CKAP4: variants seen among roughly 807,000 people sequenced by gnomAD.
CKAP4 encodes cytoskeleton-associated protein 4.
Under a neutral mutation model 24.4 loss-of-function variants are expected in CKAP4, and 20 were observed. The ratio of observed to expected loss-of-function variants is 0.82; its 90% CI spans 0.58 to 1.19. CKAP4 has a LOEUF of 1.19. CKAP4 is among the 50% of genes most tolerant of loss of function. CKAP4 has a pLI of 0.00. For missense variants in CKAP4, 744 were observed against 765.3 expected (o/e 0.97, Z 0.33); for synonymous variants, 378 against 351.7 (o/e 1.07, Z -0.84).
Position 106,239,028 on chromosome 12 carries a change from A to G in CKAP4, c.1805T>C (p.Val602Ala). 1 of 1,612,852 alleles carries G rather than the reference A, an allele frequency of 6.2e-7. No individual in the cohort carries two copies. Among genetic ancestry groups the G allele is most frequent in the South Asian group, 1.1e-5 (1 of 91,048 alleles). ...FVKVEKIHEK[V>A] The stretch of plus-strand genomic sequence containing the variant: ...CGCCCTGCACACGCAATTCATTTAG[A>G]CCTTTTCGTGAATCTTCTCCACTTT... The change falls in exon 2 of 2, where the codon GTC becomes GCC. Residue 602 changes from valine (V) to alanine (A), a missense_variant. Coordinates refer to ENST00000378026, the MANE Select transcript of CKAP4 (RefSeq NM_006825.4). The surrounding 1 kb of genome is among the most constrained non-coding windows in gnomAD (Gnocchi z 4.9).
In CKAP4 at chr12:106,238,373, G is replaced by C. The variant is rs11112910; in HGVS notation, c.*651C>G. 6.5e-6 allele frequency: 1 copy of C among 152,832 alleles called. No individual in the cohort carries two copies. The highest frequency in any genetic ancestry group is 1.5e-5 in the Non-Finnish European group (1 of 68,244). 9.5% of individuals were successfully genotyped at this position (152,832 alleles called of 1,614,324 possible). A position where few individuals can be genotyped will look rare whatever the true frequency, so the allele number is the denominator to read the frequency against. ...TGCTGGGTGTAGTGCTTCACATTCA[G>C]AACCGCCTGGATGCTTTGCATAGTT... On this transcript the variant is annotated 3_prime_UTR_variant, in exon 2 of 2. Coordinates refer to ENST00000378026, the MANE Select transcript of CKAP4 (RefSeq NM_006825.4).
Position 106,247,437 on chromosome 12 carries a change from G to C in CKAP4, c.415C>G (p.Arg139Gly), listed in dbSNP as rs929391301. ...HVLEEVQQVR[R>G]SHQDFSRQRE... ...TGCCGGGAGAAGTCCTGGTGGCTGC[G>C]CCGGACCTGCTGGACCTCCTCCAGG... Residue 139 changes from arginine (R) to glycine (G), a missense_variant, in exon 1 of 2, where the codon CGC becomes GGC. By Grantham distance (125) the Arg-to-Gly change is moderately radical (BLOSUM62 -2). Transcript: ENST00000378026. This position sits in a 1 kb window ranked among gnomAD's most constrained non-coding sequence, Gnocchi z 4.5. The C allele has an allele frequency of 1.3e-6, 2 of 1,543,846 alleles. No individual in the cohort carries two copies. The highest frequency in any genetic ancestry group is 1.7e-6 in the Non-Finnish European group (2 of 1,146,780).
intron 1 of CKAP4, among the ~76,000 whole-genome samples, chr12:106,241,331 CTTTTTTT>C (rs34135868): frequency 1.6e-5 from 2 of 127,520 alleles, no homozygotes; most frequent in South Asian, 2.5e-4. Flanking sequence ...GCCAGGGATT[CTTTTTTT>C]TTTTTTTTTT....
chr12:106,247,810 G>A lies in CKAP4; in HGVS notation c.42C>T (p.Gly14=). The stretch of plus-strand genomic sequence containing the variant: ...CACCCTTCTCCGAGGGGCTCGCGGC[G>A]CCGTGGCCGCCCTTGGAGCCCCTTT... The part of the protein sequence containing the change: ...AKQRGSKGGH[G]AASPSEKGAH... The change falls in exon 1 of 2, where the codon GGC becomes GGT. Residue 14 remains glycine (G), a synonymous_variant. Transcript: ENST00000378026. The surrounding 1 kb of genome is among the most constrained non-coding windows in gnomAD (Gnocchi z 4.5). 9.5e-7 allele frequency: 1 copy of A among 1,050,710 alleles called. No homozygotes were observed. The highest frequency in any genetic ancestry group is 1.1e-6 in the Non-Finnish European group (1 of 875,914). 65.1% of individuals were successfully genotyped at this position (1,050,710 alleles called of 1,614,324 possible).
At chr12:106,245,705 CT>C (rs1171009143) in intron 1 of CKAP4, 1 of 151,154 alleles carries the variant, frequency 6.6e-6, no homozygotes, top group East Asian at 2.0e-4. Context: ...AGCAATTCTC[CT>C]GCCTCAACCT....
chr12:106,244,056 C>A (rs557320118), intron 1 of CKAP4, among the ~76,000 whole-genome samples: 1 of 152,294 alleles, frequency 6.6e-6, no homozygotes, highest in Non-Finnish European at 1.5e-5. Flanking sequence ...TGTCAGAGAA[C>A]CAAACACAAC....
Position 106,239,036 on chromosome 12 carries a change from G to A in CKAP4, c.1797C>T (p.His599=), listed in dbSNP as rs1170234066. The A allele has an allele frequency of 4.3e-6, 7 of 1,612,864 alleles. No homozygotes were observed. Among genetic ancestry groups the A allele is most frequent in the African/African-American group, 1.3e-5 (1 of 74,864 alleles). Reference sequence around the variant, plus strand: ...ACACGCAATTCATTTAGACCTTTTCGTGAATCTTCTCCACTTTCACAAACA... The same window carrying A: ...ACACGCAATTCATTTAGACCTTTTCATGAATCTTCTCCACTTTCACAAACA... ...DRLFVKVEKI[H]EKV Residue 599 remains histidine (H), a synonymous_variant, in exon 2 of 2, where the codon CAC becomes CAT. Transcript: ENST00000378026. This position sits in a 1 kb window ranked among gnomAD's most constrained non-coding sequence, Gnocchi z 4.9.
intron 1 of CKAP4, among the ~76,000 whole-genome samples, chr12:106,246,073 G>A (rs2034007555): frequency 6.6e-6 from 1 of 152,188 alleles, no homozygotes; most frequent in Non-Finnish European, 1.5e-5. Flanking sequence ...CATAGTGGAG[G>A]GCGAATAAGA....
chr12:106,243,718 T>A (rs185476830), intron 1 of CKAP4, among the ~76,000 whole-genome samples: 3 of 152,296 alleles, frequency 2.0e-5, no homozygotes, highest in East Asian at 3.9e-4. Flanking sequence ...TTCAGAAGAT[T>A]TGAGCCATTC....
chr12:106,243,611 G>C (rs1486062726), intron 1 of CKAP4, among the ~76,000 whole-genome samples: 1 of 152,228 alleles, frequency 6.6e-6, no homozygotes, highest in African/African-American at 2.4e-5. Flanking sequence ...AGGGCCTAGA[G>C]ATGAACTGCC....
chr12:106,244,445 T>C (rs993600136), intron 1 of CKAP4, among the ~76,000 whole-genome samples: 1 of 152,218 alleles, frequency 6.6e-6, no homozygotes, highest in Non-Finnish European at 1.5e-5. Flanking sequence ...GCACCATAAA[T>C]ATGACACATT....
At position 106,247,406 on chromosome 12, in the gene CKAP4, T is replaced by A; in HGVS notation, c.446A>T (p.Glu149Val). The A allele has an allele frequency of 6.5e-7, 1 of 1,542,610 alleles. No individual in the cohort carries two copies. The highest frequency in any genetic ancestry group is 1.2e-5 in the South Asian group (1 of 84,128). ...RSHQDFSRQR[E>V]ELGQGLQGVE... is the part of the protein sequence containing the mutation. ...GCCCTGCAAGCCCTGGCCCAGCTCC[T>A]CCCTCTGCCGGGAGAAGTCCTGGTG... The change falls in exon 1 of 2, where the codon GAG becomes GTG. Residue 149 changes from glutamate (E) to valine (V), a missense_variant. Glu to Val is a moderately radical substitution (Grantham distance 121). Around this residue, in one of 3 missense-constraint regions of CKAP4, gnomAD observed 300 missense variants for 264.5 expected, o/e 1.13. Transcript: ENST00000378026. The surrounding 1 kb of genome is among the most constrained non-coding windows in gnomAD (Gnocchi z 4.5).
At position 106,247,728 on chromosome 12, in the gene CKAP4, GCTGCGGCGCCGGCGGCGGCTT is replaced by G; in HGVS notation, c.103_123del (p.Lys35_Gln41del). The G allele has an allele frequency of 9.6e-7, 1 of 1,042,988 alleles. No individual in the cohort carries two copies. Among genetic ancestry groups the G allele is most frequent in the East Asian group, 8.8e-5 (1 of 11,388 alleles). 64.6% of individuals were successfully genotyped at this position (1,042,988 alleles called of 1,614,324 possible). ...TGCGGCGCGGGCGGCGGCGGCGGCTGCTGCGGCGCCGGCGGCGGCTTCTTCGCCACGTCATCCGCGCCGCCC... is the reference window on the plus strand; with the variant it reads ...TGCGGCGCGGGCGGCGGCGGCGGCTGCTTCGCCACGTCATCCGCGCCGCCC... On this transcript the variant is annotated inframe_deletion, in exon 1 of 2. Coordinates refer to ENST00000378026, the MANE Select transcript of CKAP4 (RefSeq NM_006825.4). This position sits in a 1 kb window ranked among gnomAD's most constrained non-coding sequence, Gnocchi z 4.5.
rs2033921409 is a variant in CKAP4 at position 106,237,992 on chromosome 12, G to GGTT, written c.*1031_*1032insAAC. The GGTT allele has an allele frequency of 4.3e-5, 3 of 70,514 alleles. No homozygotes were observed. Among genetic ancestry groups the GGTT allele is most frequent in the Admixed American group, 2.3e-4 (1 of 4,350 alleles). 4.4% of individuals were successfully genotyped at this position (70,514 alleles called of 1,614,324 possible). On this transcript the variant is annotated 3_prime_UTR_variant, in exon 2 of 2. Transcript: ENST00000378026. ...TTTTTTTTTTTTTTTTACTTTTCGG[G>GGTT]TTTTTTTTTTTTTTTTTTTTTCAAT...
chr12:106,238,515 T>G lies in CKAP4; in HGVS notation c.*509A>C, dbSNP rs909894521. Reference sequence around the variant, plus strand: ...GACCCAGGGGCTTCTCCCCTCCTCATTCAGAGCTGACAGCTATGAGCTTTA... The same window carrying G: ...GACCCAGGGGCTTCTCCCCTCCTCAGTCAGAGCTGACAGCTATGAGCTTTA... On this transcript the variant is annotated 3_prime_UTR_variant, in exon 2 of 2. Coordinates refer to ENST00000378026, the MANE Select transcript of CKAP4 (RefSeq NM_006825.4). 2 of 154,112 alleles carry G rather than the reference T, an allele frequency of 1.3e-5. No individual in the cohort carries two copies. The highest frequency in any genetic ancestry group is 4.8e-5 in the African/African-American group (2 of 41,396). The allele number at this position is 154,112 out of a possible 1,614,324, so 9.5% of individuals were successfully genotyped here.
intron 1 of CKAP4, among the ~76,000 whole-genome samples, chr12:106,246,015 GC>G (rs149853104): frequency 0.011 from 1,606 of 152,334 alleles, 12 homozygotes; most frequent in Middle Eastern, 0.017. Flanking sequence ...ATCAGAAGTG[GC>G]GGGATTTTTT....
In CKAP4 at chr12:106,237,989, C is replaced by CG. The variant is rs1195762628; in HGVS notation, c.*1034dup. On this transcript the variant is annotated 3_prime_UTR_variant, in exon 2 of 2. Transcript: ENST00000378026. ...ACTTTTTTTTTTTTTTTTTACTTTT[C>CG]GGGTTTTTTTTTTTTTTTTTTTTTC... 44 of 32,946 alleles carry CG rather than the reference C, an allele frequency of 1.3e-3. 1 individual carries two copies. Among genetic ancestry groups the CG allele is most frequent in the African/African-American group, 6.7e-3 (43 of 6,430 alleles). The allele number at this position is 32,946 out of a possible 1,614,324, so 2.0% of individuals were successfully genotyped here. A position where few individuals can be genotyped will look rare whatever the true frequency, so the allele number is the denominator to read the frequency against.
chr12:106,242,096 T>C (rs1337677431), intron 1 of CKAP4, among the ~76,000 whole-genome samples: 1 of 152,248 alleles, frequency 6.6e-6, no homozygotes, highest in Non-Finnish European at 1.5e-5. Flanking sequence ...ACTTTAACAC[T>C]TTCCAGCAGT....
chr12:106,240,428 C>T, intron 1 of CKAP4, 79 bp from the exon 2 acceptor site: 1 of 1,463,858 alleles, frequency 6.8e-7, no homozygotes, highest in Non-Finnish European at 9.1e-7. Context: ...GTCTGCCCAG[C>T]CTCCAGGTCC....
Sources: gnomAD v4.1 joint callset for allele counts (sites outside exome capture counted in the v4.1 genomes callset) on GRCh38, gnomAD v4.1.1 for gene constraint, gnomAD v4.1.1 regional missense constraint, Gnocchi (gnomAD v3.1) non-coding constraint, MANE v1.5 for transcripts, NCBI Gene and HGNC (gene_info 2026-07-23, HGNC 2026-07-21) for gene names.